The following KLHL2 variants were observed in gnomAD, a reference collection of about 807,000 sequenced individuals.
The protein encoded by KLHL2 is kelch like family member 2.
A neutral mutation model predicts 75.8 loss-of-function variants in KLHL2; 15 were observed. The observed-to-expected ratio is 0.20, with a 90% CI of 0.13 to 0.30. The LOEUF is 0.30. Among genes scored for constraint, KLHL2 ranks in the 10% least tolerant of loss-of-function variants. KLHL2 has a pLI of 1.00. For synonymous variants in KLHL2, 214 were observed against 251.9 expected (o/e 0.85, Z 1.42); for missense variants, 381 against 741.0 (o/e 0.51, Z 5.64).
At chr4:165,278,424 A>G in intron 5 of KLHL2, 2 of 1,466,092 alleles carry the variant, frequency 1.4e-6, no homozygotes, top group African/African-American at 2.8e-5. Flanking sequence ...ATGGCATCCA[A>G]AATCTCTCGA....
At chr4:165,225,957 T>C (rs868372474) in intron 2 of KLHL2, among the ~76,000 whole-genome samples, 1 of 152,178 alleles carries the variant, frequency 6.6e-6, no homozygotes, top group African/African-American at 2.4e-5. Flanking sequence ...AAGTTAATTA[T>C]GTAAGTGACA....
At chr4:165,209,931 T>TCCCATTAACATCCCTCCACC (rs1247541105) in intron 1 of KLHL2, 1 of 1,251,884 alleles carries the variant, frequency 8.0e-7, no homozygotes, top group Non-Finnish European at 1.1e-6. Context: ...TTGCCTCCAC[T>TCCCATTAACATCCCTCCACC]CCCATTAACA....
intron 1 of KLHL2, chr4:165,210,289 T>TACATTGTTCTCAGATCCC: frequency 9.1e-7 from 1 of 1,096,540 alleles, no homozygotes; most frequent in East Asian, 2.6e-5. Flanking sequence ...CATCCAAATT[T>TACATTGTTCTCAGATCCC]ACATTGTTCT....
At chr4:165,263,551 CTA>C (rs1052451035) in intron 5 of KLHL2, among the ~76,000 whole-genome samples, 192 bp downstream of exon 5, 1 of 151,652 alleles carries the variant, frequency 6.6e-6, no homozygotes, top group African/African-American at 2.4e-5. Flanking sequence ...AAGCAAGCAA[CTA>C]TACATTGGGA....
intron 8 of KLHL2, among the ~76,000 whole-genome samples, chr4:165,300,510 G>A (rs984268644): frequency 3.9e-5 from 6 of 152,062 alleles, no homozygotes; most frequent in Non-Finnish European, 8.8e-5. Context: ...CTTCCCGTGT[G>A]TCTCGTGTTC....
chr4:165,234,150 G>A (rs1739136254), intron 3 of KLHL2, among the ~76,000 whole-genome samples: 2 of 152,186 alleles, frequency 1.3e-5, no homozygotes, highest in Admixed American at 1.3e-4. Context: ...TCTTAGATTT[G>A]CTGTAGAACT....
intron 5 of KLHL2, among the ~76,000 whole-genome samples, chr4:165,263,805 G>GTTTTTTTTTTTTTTT (rs55901119): frequency 2.0e-4 from 13 of 66,474 alleles, no homozygotes; most frequent in Non-Finnish European, 2.4e-4. Flanking sequence ...TTTTTACATT[G>GTTTTTTTTTTTTTTT]TTTTTTTTTT....
At chr4:165,219,282 G>A (rs1737796257) in intron 1 of KLHL2, among the ~76,000 whole-genome samples, 1 of 152,256 alleles carries the variant, frequency 6.6e-6, no homozygotes, top group African/African-American at 2.4e-5. Context: ...CATTTACCCC[G>A]TTACTCAAAC....
chr4:165,220,992 A>G (rs1287975319), intron 2 of KLHL2, among the ~76,000 whole-genome samples: 1 of 152,174 alleles, frequency 6.6e-6, no homozygotes, highest in Non-Finnish European at 1.5e-5. Context: ...TACTCTACGT[A>G]TATCTATCTG....
intron 14 of KLHL2, among the ~76,000 whole-genome samples, chr4:165,320,615 T>C (rs1746899201): frequency 1.3e-5 from 2 of 152,196 alleles, no homozygotes; most frequent in South Asian, 2.1e-4. Context: ...GCCAGTGCTA[T>C]GGAAGAGAAT....
chr4:165,236,470 G>A (rs2111084502), intron 3 of KLHL2, among the ~76,000 whole-genome samples: 2 of 152,218 alleles, frequency 1.3e-5, no homozygotes, highest in East Asian at 3.9e-4. Context: ...TCCTGCTTCA[G>A]TCTCCCTAGT....
intron 5 of KLHL2, among the ~76,000 whole-genome samples, chr4:165,266,744 C>T (rs1189269393): frequency 6.6e-6 from 1 of 152,196 alleles, no homozygotes; most frequent in African/African-American, 2.4e-5. Context: ...ACTTTGAAGT[C>T]AGGTAGCGTG....
chr4:165,271,495 G>A (rs1160986183), intron 5 of KLHL2, among the ~76,000 whole-genome samples: 1 of 152,168 alleles, frequency 6.6e-6, no homozygotes, highest in African/African-American at 2.4e-5. Context: ...TATGTACATT[G>A]ATTTTGTAAC....
chr4:165,319,022 G>A lies in KLHL2; in HGVS notation c.1753+1053G>A, dbSNP rs1746781804. On this transcript the variant is annotated intron_variant, in intron 14 of 14. Transcript: ENST00000226725. The surrounding 1 kb of genome is among the most constrained non-coding windows in gnomAD (Gnocchi z 4.5). ...AACAAACACCCACAAACCATAGATG[G>A]TGTCATTCACAGTCCAGAGAAATGT... Among the ~76,000 whole-genome samples the A allele has an allele frequency of 6.6e-6, 1 of 152,092 alleles. No individual in the cohort carries two copies. The highest frequency in any genetic ancestry group is 2.1e-4 in the South Asian group (1 of 4,818).
chr4:165,297,504 G>A, intron 6 of KLHL2, 105 bp from the exon 7 acceptor site: 1 of 691,028 alleles, frequency 1.4e-6, no homozygotes, highest in African/African-American at 1.8e-5. Context: ...ATTAAACTTG[G>A]ATGTCTTAGC....
chr4:165,247,782 A>G (rs1579035853), intron 4 of KLHL2, among the ~76,000 whole-genome samples: 1 of 152,218 alleles, frequency 6.6e-6, no homozygotes, highest in East Asian at 1.9e-4. Flanking sequence ...TTTGAACTAA[A>G]CATGATAAAT....
intron 12 of KLHL2, among the ~76,000 whole-genome samples, chr4:165,313,778 C>G (rs1579188536): frequency 2.0e-5 from 3 of 152,012 alleles, no homozygotes; most frequent in Admixed American, 1.3e-4. Context: ...TGTGTTTCAC[C>G]TACATGTTAT....
chr4:165,322,010 C>T, intron 14 of KLHL2, 22 bp from the exon 15 acceptor site: 1 of 1,612,310 alleles, frequency 6.2e-7, no homozygotes, highest in Non-Finnish European at 8.5e-7. Context: ...CTTCTTTTTT[C>T]TCTCTTCATT....
intron 11 of KLHL2, 107 bp from the exon 12 acceptor site, chr4:165,313,131 T>C (rs1229040063): frequency 8.8e-7 from 1 of 1,134,954 alleles, no homozygotes; most frequent in Non-Finnish European, 1.2e-6. Flanking sequence ...GGGGAAACTC[T>C]GCTGCCATGA....
Sources: gnomAD v4.1 joint callset for allele counts (sites outside exome capture counted in the v4.1 genomes callset) on GRCh38, gnomAD v4.1.1 for gene constraint, Gnocchi (gnomAD v3.1) non-coding constraint, MANE v1.5 for transcripts, NCBI Gene and HGNC (gene_info 2026-07-23, HGNC 2026-07-21) for gene names.